The following CMSS1 variants were observed in gnomAD, a reference collection of about 807,000 sequenced individuals.
CMSS1 encodes cms1 ribosomal small subunit homolog.
CMSS1 carries 33 observed loss-of-function variants against 43.5 expected under a neutral mutation model. That is an observed-to-expected ratio of 0.76 (90% CI 0.57 to 1.01). The LOEUF is 1.01. Ranked by LOEUF, CMSS1 falls within the 50% of genes least tolerant of loss-of-function variation. The pLI, the probability that CMSS1 is intolerant of heterozygous loss-of-function variation, is 0.00. For missense variants in CMSS1, 313 were observed against 326.4 expected, an observed-to-expected ratio of 0.96 and a Z score of 0.32; for synonymous variants, 115 against 117.2, an observed-to-expected ratio of 0.98 and a Z score of 0.12.
At chr3:99,910,872 A>G (rs1488956980) in intron 1 of CMSS1, among the ~76,000 whole-genome samples, 3 of 152,202 alleles carry the variant, frequency 2.0e-5, no homozygotes, top group Non-Finnish European at 4.4e-5. Context: ...AAACTCAAAC[A>G]ATGGCCAAAG....
At chr3:99,901,250 A>G (rs1706427411) in intron 1 of CMSS1, among the ~76,000 whole-genome samples, 1 of 152,236 alleles carries the variant, frequency 6.6e-6, no homozygotes, top group Admixed American at 6.5e-5. Context: ...ACCTTCCTTT[A>G]GAGATGCCAA....
At chr3:99,868,881 T>C (rs1944646158) in intron 1 of CMSS1, among the ~76,000 whole-genome samples, 1 of 152,208 alleles carries the variant, frequency 6.6e-6, no homozygotes, top group Non-Finnish European at 1.5e-5. Context: ...ACCTAAATAT[T>C]CTACATTATT....
intron 1 of CMSS1, among the ~76,000 whole-genome samples, chr3:99,895,813 AGGT>A (rs2107619744): frequency 6.6e-6 from 1 of 152,326 alleles, no homozygotes; most frequent in East Asian, 1.9e-4. Flanking sequence ...CCCATAGAAT[AGGT>A]GCCTCCTTAA....
At chr3:100,114,060 G>C (rs1015234612) in intron 1 of CMSS1, 2 of 151,912 alleles carry the variant, frequency 1.3e-5, no homozygotes, top group African/African-American at 4.8e-5. Context: ...TACCGTGCAG[G>C]TACCGTGCAG....
rs563310113 is a variant in CMSS1 at position 100,060,157 on chromosome 3, G to A, written c.65-86816G>A. Among the ~76,000 whole-genome samples the A allele has an allele frequency of 7.2e-5, 11 of 152,154 alleles. No homozygotes were observed. In the East Asian group the frequency reaches 9.7e-4, roughly 13 times the overall value. On this transcript the variant is annotated intron_variant, in intron 1 of 9. Transcript: ENST00000421999. ...GTGTGTCACATGGTGGGTGGGCTAC[G>A]GTGCCAGACTGAAGAGGTTGAGATT...
rs889016596 is a variant in CMSS1 at position 99,958,523 on chromosome 3, C to T, written c.64+140480C>T. On this transcript the variant is annotated intron_variant, in intron 1 of 9. Transcript: ENST00000421999. ...ATTTGAGAGCCAACAAGAATTATAA[C>T]ATGTATGTGCCACAGAAGGGTAGGA... 5.3e-5 allele frequency among the ~76,000 whole-genome samples: 8 copies of T among 152,230 alleles called. 1 individual carries two copies. Among genetic ancestry groups the T allele is most frequent in the Non-Finnish European group, 7.4e-5 (5 of 68,010 alleles).
chr3:100,092,535 C>G (rs574285431), intron 1 of CMSS1, among the ~76,000 whole-genome samples: 1 of 151,550 alleles, frequency 6.6e-6, no homozygotes, highest in East Asian at 1.9e-4. Context: ...TTAAAATACC[C>G]TTGCATGTGT....
At chr3:99,835,696 A>G (rs1355082435) in intron 1 of CMSS1, among the ~76,000 whole-genome samples, 1 of 152,234 alleles carries the variant, frequency 6.6e-6, no homozygotes, top group South Asian at 2.1e-4. Flanking sequence ...AAGGAGTTCA[A>G]AAATAAATGA....
At chr3:99,983,422 A>ATATATATATATG (rs1559713456) in intron 1 of CMSS1, among the ~76,000 whole-genome samples, 8 of 86,928 alleles carry the variant, frequency 9.2e-5, no homozygotes, top group South Asian at 7.9e-4. Context: ...ATATATATGT[A>ATATATATATATG]TGTATGTATG....
intron 1 of CMSS1, among the ~76,000 whole-genome samples, chr3:99,899,288 TG>T (rs1295605108): frequency 6.6e-6 from 1 of 152,240 alleles, no homozygotes; most frequent in African/African-American, 2.4e-5. Context: ...AGCAGATTTT[TG>T]GTTTCCAATA....
chr3:99,980,187 G>A (rs1055706453), intron 1 of CMSS1, among the ~76,000 whole-genome samples: 7 of 152,042 alleles, frequency 4.6e-5, no homozygotes, highest in African/African-American at 1.2e-4. Context: ...TTGGACACTC[G>A]GAGCAAGTTT....
At chr3:99,961,376 G>T (rs1434064709) in intron 1 of CMSS1, among the ~76,000 whole-genome samples, 1 of 152,120 alleles carries the variant, frequency 6.6e-6, no homozygotes, top group Admixed American at 6.5e-5. Context: ...ACCTTAAAAT[G>T]TAACCTTTGA....
chr3:100,172,013 T>C (rs967727399), intron 7 of CMSS1, 114 bp downstream of exon 7: 1 of 810,102 alleles, frequency 1.2e-6, no homozygotes, highest in South Asian at 1.7e-5. Context: ...CTTCCTTATG[T>C]AACATTTAAC....
At chr3:99,820,801 ATTG>A (rs1044595439) in intron 1 of CMSS1, among the ~76,000 whole-genome samples, 1 of 152,168 alleles carries the variant, frequency 6.6e-6, no homozygotes, top group Non-Finnish European at 1.5e-5. Context: ...AATGTATTCA[ATTG>A]TTGTTTCAGC....
chr3:100,067,396 A>G (rs754647346), intron 1 of CMSS1, among the ~76,000 whole-genome samples: 3 of 152,194 alleles, frequency 2.0e-5, no homozygotes, highest in African/African-American at 2.4e-5. Flanking sequence ...AAGGTTGTAT[A>G]TATAAGAAAG....
intron 1 of CMSS1, among the ~76,000 whole-genome samples, chr3:100,082,250 G>T (rs774631239): frequency 2.3e-4 from 35 of 152,282 alleles, no homozygotes; most frequent in Non-Finnish European, 2.9e-4. Flanking sequence ...AATAGAATCT[G>T]TTTAACATAC....
chr3:99,980,328 A>G (rs536872901), intron 1 of CMSS1, among the ~76,000 whole-genome samples: 1 of 152,288 alleles, frequency 6.6e-6, no homozygotes, highest in South Asian at 2.1e-4. Flanking sequence ...CTCACCCGTA[A>G]TCTCTGAAGT....
chr3:100,133,438 T>C (rs1186337876), intron 1 of CMSS1, among the ~76,000 whole-genome samples: 1 of 151,756 alleles, frequency 6.6e-6, no homozygotes, highest in African/African-American at 2.4e-5. Context: ...ACTGTCTTTT[T>C]ATAGTGGAAC....
intron 1 of CMSS1, among the ~76,000 whole-genome samples, chr3:100,089,456 T>G (rs149036688): frequency 0.011 from 1,631 of 152,326 alleles, 34 homozygotes; most frequent in African/African-American, 0.036. Context: ...ATGGATTAAC[T>G]GAATTTAAAG....
Sources: allele counts gnomAD v4.1 joint callset (sites outside exome capture counted in the v4.1 genomes callset), GRCh38; gene constraint gnomAD v4.1.1; transcripts MANE v1.5; gene names NCBI Gene and HGNC (gene_info 2026-07-23, HGNC 2026-07-21).